Variants in AGBL3 observed in about 807,000 individuals in gnomAD.
The protein encoded by AGBL3 is AGBL carboxypeptidase 3.
In AGBL3, 68 loss-of-function variants were observed where a neutral mutation model predicts 94.5. The observed-to-expected ratio is 0.72, with a 90% CI of 0.59 to 0.88. The LOEUF is 0.88. Ranked by LOEUF, AGBL3 falls within the 40% of genes least tolerant of loss-of-function variation. The probability of loss-of-function intolerance (pLI) is 0.00; values close to 1 mark genes in which losing one functional copy is unlikely to be tolerated. For missense variants in AGBL3, 934 were observed against 1,103.8 expected (o/e 0.85, Z 2.18); for synonymous variants, 354 against 370.7 (o/e 0.95, Z 0.52).
chr7:135,053,502 G>C (rs1818071502), intron 11 of AGBL3, among the ~76,000 whole-genome samples: 1 of 152,154 alleles, frequency 6.6e-6, no homozygotes, highest in Non-Finnish European at 1.5e-5. Context: ...AGCTACTCGG[G>C]AGGCTGAGGC....
At chr7:134,995,915 G>A (rs577054308) in intron 4 of AGBL3, among the ~76,000 whole-genome samples, 153 of 152,272 alleles carry the variant, frequency 1.0e-3, no homozygotes, top group African/African-American at 3.5e-3. Context: ...CCTTGTGTAG[G>A]AAGAATCAAA....
chr7:135,127,051 C>CA, intron 16 of AGBL3, among the ~76,000 whole-genome samples: 1 of 152,208 alleles, frequency 6.6e-6, no homozygotes, highest in East Asian at 1.9e-4. Flanking sequence ...TTCTGCATAG[C>CA]AAAAGAAACC....
chr7:135,077,532 G>A (rs973225791), intron 13 of AGBL3, among the ~76,000 whole-genome samples: 6 of 151,934 alleles, frequency 3.9e-5, no homozygotes, highest in African/African-American at 1.5e-4. Flanking sequence ...ATCTTTTCCA[G>A]AAAAAGAGAA....
chr7:135,129,450 G>A (rs1828422586), intron 16 of AGBL3: 1 of 779,244 alleles, frequency 1.3e-6, no homozygotes, highest in Non-Finnish European at 2.4e-6. Flanking sequence ...GGAAAGTAAG[G>A]AGTGGCTAGA....
At chr7:135,047,086 C>T (rs1413980026) in intron 11 of AGBL3, among the ~76,000 whole-genome samples, 1 of 152,026 alleles carries the variant, frequency 6.6e-6, no homozygotes, top group Non-Finnish European at 1.5e-5. Context: ...CCTCTAGAAA[C>T]CACCATTTGA....
intron 11 of AGBL3, among the ~76,000 whole-genome samples, chr7:135,054,545 A>G (rs1818165142): frequency 6.6e-6 from 1 of 152,200 alleles, no homozygotes; most frequent in East Asian, 1.9e-4. Context: ...AAGATAAAGC[A>G]ACTTTAAAAG....
rs1449495118 is a variant in AGBL3, at chr7:135,037,493, T to C, written c.1413T>C (p.Tyr471=). The stretch of plus-strand genomic sequence containing the variant: ...GTAGGAAAGAGAACATCTTCATGTA[T>C]GGCTGTGATGGTAGTGACAGATCTA... The part of the protein sequence containing the change: ...GHSRKENIFM[Y]GCDGSDRSKT... Residue 471 remains tyrosine, a synonymous_variant, in exon 8 of 17, where the codon TAT becomes TAC. Transcript: ENST00000436302. 11 of 1,550,064 alleles carry C rather than the reference T, an allele frequency of 7.1e-6. No individual in the cohort carries two copies. Among genetic ancestry groups the C allele is most frequent in the Non-Finnish European group, 7.9e-6 (9 of 1,146,138 alleles).
intron 15 of AGBL3, among the ~76,000 whole-genome samples, chr7:135,096,558 AAGATAGAT>A (rs1167936702): frequency 1.0e-4 from 8 of 79,730 alleles, no homozygotes; most frequent in African/African-American, 3.7e-4. Context: ...GAAAGAAAGA[AAGATAGAT>A]AGATAGATAG....
intron 4 of AGBL3, among the ~76,000 whole-genome samples, chr7:135,002,166 ATGATTCATTAAAAGGAC>A (rs1811799245): frequency 1.3e-5 from 2 of 152,186 alleles, no homozygotes; most frequent in Non-Finnish European, 2.9e-5. Context: ...CCAAGGTTCA[ATGATTCATTAAAAGGAC>A]TCGAGAAATT....
intron 16 of AGBL3, among the ~76,000 whole-genome samples, chr7:135,118,826 T>G (rs548535299): frequency 6.6e-6 from 1 of 152,094 alleles, no homozygotes; most frequent in Admixed American, 6.5e-5. Context: ...AAAAAAATAT[T>G]AAGAACCAAA....
At chr7:135,122,621 G>A (rs1235672969) in intron 16 of AGBL3, among the ~76,000 whole-genome samples, 1 of 152,158 alleles carries the variant, frequency 6.6e-6, no homozygotes, top group Non-Finnish European at 1.5e-5. Context: ...CCCTATACGT[G>A]AGCAATACTG....
intron 12 of AGBL3, among the ~76,000 whole-genome samples, chr7:135,064,091 G>C (rs1424528532): frequency 2.6e-5 from 4 of 152,138 alleles, no homozygotes; most frequent in Admixed American, 2.0e-4. Context: ...ACATTCCACT[G>C]GCCAAATTAA....
At position 135,022,125 on chromosome 7, in the gene AGBL3, C is replaced by T. The variant is rs534713293; in HGVS notation, c.418+4966C>T. ...CCATTGTGAATAGTGATGCAATCAA[C>T]ATACATGTGCACGTATCTTTACAAT... On this transcript the variant is annotated intron_variant, in intron 5 of 16. Transcript: ENST00000436302. Among the ~76,000 whole-genome samples the T allele has an allele frequency of 2.6e-5, 4 of 152,286 alleles. No individual in the cohort carries two copies. The South Asian group carries it at 8.3e-4, about 32-fold the overall frequency.
At chr7:135,114,781 G>C (rs1449548475) in intron 15 of AGBL3, among the ~76,000 whole-genome samples, 1 of 152,050 alleles carries the variant, frequency 6.6e-6, no homozygotes, top group Admixed American at 6.6e-5. Context: ...TTCTCAACTT[G>C]ACAACCAGCA....
chr7:135,092,356 G>C (rs1821977063), intron 15 of AGBL3: 1 of 152,020 alleles, frequency 6.6e-6, no homozygotes, highest in African/African-American at 2.4e-5. Flanking sequence ...AAATTTTGTT[G>C]TCAACATTTT....
At chr7:135,099,882 C>CTTTTTTTTTTTTTT (rs34324217) in intron 15 of AGBL3, 2 of 62,700 alleles carry the variant, frequency 3.2e-5, no homozygotes, top group Non-Finnish European at 5.5e-5. Flanking sequence ...CTGAGTTTCT[C>CTTTTTTTTTTTTTT]TTTTTTTTTT....
chr7:135,129,366 G>A lies in AGBL3; in HGVS notation c.2343-5475G>A, dbSNP rs1475665188. 4.4e-6 allele frequency: 4 copies of A among 899,620 alleles called. No homozygotes were observed. The African/African-American group carries it at 4.9e-5, about 11-fold the overall frequency. The allele number at this position is 899,620 out of a possible 1,614,324, so 55.7% of individuals were successfully genotyped here. On this transcript the variant is annotated intron_variant, in intron 16 of 16. Transcript: ENST00000436302. The stretch of plus-strand genomic sequence containing the variant: ...AGACTTACTAAATGAATACCTGCAA[G>A]CAGATAAGGCCAATAAAAGACTTTT...
chr7:134,998,540 C>T (rs1193509161), intron 4 of AGBL3, among the ~76,000 whole-genome samples: 3 of 152,312 alleles, frequency 2.0e-5, no homozygotes, highest in East Asian at 3.8e-4. Context: ...GGCTTAGCCA[C>T]TGTCCTGGTC....
chr7:135,010,091 C>CAT, intron 4 of AGBL3: 1 of 417,410 alleles, frequency 2.4e-6, no homozygotes, highest in African/African-American at 2.2e-5. Context: ...CGCAGTGGTG[C>CAT]GATCTCGGCT....
Sources: gnomAD v4.1 joint callset for allele counts (sites outside exome capture counted in the v4.1 genomes callset) on GRCh38, gnomAD v4.1.1 for gene constraint, MANE v1.5 for transcripts, NCBI Gene and HGNC (gene_info 2026-07-23, HGNC 2026-07-21) for gene names.